PPP4R4: variants seen among roughly 807,000 people sequenced by gnomAD.
The protein encoded by PPP4R4 is serine/threonine-protein phosphatase 4 regulatory subunit 4.
In PPP4R4, 70 loss-of-function variants were observed where a neutral mutation model predicts 121.8. The observed-to-expected ratio is 0.57, with a 90% confidence interval of 0.47 to 0.70. The LOEUF is 0.70. Among genes scored for constraint, PPP4R4 ranks in the 30% least tolerant of loss-of-function variants. The probability of loss-of-function intolerance (pLI) is 0.00; values close to 1 mark genes in which losing one functional copy is unlikely to be tolerated. For missense variants in PPP4R4, 875 were observed against 1,033.6 expected, an observed-to-expected ratio of 0.85 and a Z score of 2.10; for synonymous variants, 348 against 355.7, an observed-to-expected ratio of 0.98 and a Z score of 0.24.
intron 2 of PPP4R4, among the ~76,000 whole-genome samples, chr14:94,197,818 TA>T (rs1177862646): frequency 6.6e-6 from 1 of 152,244 alleles, no homozygotes; most frequent in Admixed American, 6.5e-5. Context: ...ACAGTAGTAT[TA>T]TTTTTTTTGT....
At chr14:94,262,691 A>AT (rs1441424280) in intron 19 of PPP4R4, among the ~76,000 whole-genome samples, 1 of 152,026 alleles carries the variant, frequency 6.6e-6, no homozygotes, top group Non-Finnish European at 1.5e-5. Context: ...ATTTACTCAG[A>AT]TCTTTACCAT....
At chr14:94,266,395 T>C (rs1894055293) in intron 22 of PPP4R4, among the ~76,000 whole-genome samples, 1 of 152,104 alleles carries the variant, frequency 6.6e-6, no homozygotes, top group African/African-American at 2.4e-5. Flanking sequence ...TAGGATAGAA[T>C]CAATATAAGT....
intron 23 of PPP4R4, 26 bp from the exon 24 acceptor site, chr14:94,275,348 T>A (rs1213047701): frequency 3.7e-6 from 6 of 1,611,962 alleles, no homozygotes; most frequent in Non-Finnish European, 5.1e-6. Context: ...ATTTGGTATG[T>A]CTGACTTTAT....
chr14:94,230,975 T>G (rs1892002264), intron 4 of PPP4R4, among the ~76,000 whole-genome samples: 1 of 152,206 alleles, frequency 6.6e-6, no homozygotes, highest in Non-Finnish European at 1.5e-5. Context: ...TTGTTACTTT[T>G]TTTCCTTTTC....
In PPP4R4 at chr14:94,244,628, A is replaced by G. The variant is rs566697453; in HGVS notation, c.1267-7A>G. ...CAAATCTGAGAGACTTTATTGCTAT[A>G]TTTTAGGTATCTAAGCTTCTGAATT... On this transcript the variant is annotated splice_polypyrimidine_tract_variant and splice_region_variant and intron_variant, in intron 11 of 24. Coordinates refer to ENST00000304338, the MANE Select transcript of PPP4R4 (RefSeq NM_058237.2). The G allele has an allele frequency of 3.1e-5, 46 of 1,486,662 alleles. No individual in the cohort carries two copies. The South Asian group carries it at 5.5e-4, about 18-fold the overall frequency. The allele number at this position is 1,486,662 out of a possible 1,614,324, so 92.1% of individuals were successfully genotyped here.
chr14:94,191,687 T>G (rs926345365), intron 2 of PPP4R4, among the ~76,000 whole-genome samples: 1 of 152,092 alleles, frequency 6.6e-6, no homozygotes, highest in Non-Finnish European at 1.5e-5. Flanking sequence ...TAAAGAGGAG[T>G]TTATCTCTTC....
chr14:94,254,992 C>T (rs773074854), intron 16 of PPP4R4, among the ~76,000 whole-genome samples: 17 of 152,118 alleles, frequency 1.1e-4, no homozygotes, highest in Non-Finnish European at 2.2e-4. Context: ...GTGATCTCTC[C>T]CATTTCATGG....
At chr14:94,242,210 G>A (rs575802478) in intron 10 of PPP4R4, 79 bp from the exon 11 acceptor site, 13 of 1,469,624 alleles carry the variant, frequency 8.8e-6, no homozygotes, top group Middle Eastern at 1.8e-4. Flanking sequence ...TTCAATTTAA[G>A]TGAAACGATT....
In PPP4R4 at chr14:94,251,927, A is replaced by G. The variant is rs370879988; in HGVS notation, c.1865+31A>G. 3.3e-6 allele frequency: 5 copies of G among 1,531,348 alleles called. No individual in the cohort carries two copies. In the African/African-American group the frequency reaches 4.2e-5, roughly 13 times the overall value. 94.9% of individuals were successfully genotyped at this position (1,531,348 alleles called of 1,614,324 possible). ...TTATCAATGAAGGAAAATATTGGAAATTGTATTTATTTTTATCTACTATAG... is the reference window on the plus strand; with the variant it reads ...TTATCAATGAAGGAAAATATTGGAAGTTGTATTTATTTTTATCTACTATAG... On this transcript the variant is annotated intron_variant, in intron 16 of 24. Transcript: ENST00000304338.
At chr14:94,268,204 A>T (rs1894142339) in intron 23 of PPP4R4, among the ~76,000 whole-genome samples, 1 of 152,216 alleles carries the variant, frequency 6.6e-6, no homozygotes, top group African/African-American at 2.4e-5. Flanking sequence ...TTTAGTGTAC[A>T]AAACCAGTTT....
chr14:94,217,937 T>A (rs1891118029), intron 3 of PPP4R4, among the ~76,000 whole-genome samples: 1 of 152,108 alleles, frequency 6.6e-6, no homozygotes, highest in Non-Finnish European at 1.5e-5. Context: ...GAGGTTGCGG[T>A]GAGCCGAGAT....
At chr14:94,221,827 T>C (rs1273089910) in intron 3 of PPP4R4, among the ~76,000 whole-genome samples, 1 of 152,056 alleles carries the variant, frequency 6.6e-6, no homozygotes, top group Non-Finnish European at 1.5e-5. Context: ...TCTACTATAT[T>C]ACTCAGCTAT....
At chr14:94,249,329 G>T (rs1893060534) in intron 14 of PPP4R4, among the ~76,000 whole-genome samples, 1 of 151,770 alleles carries the variant, frequency 6.6e-6, no homozygotes, top group Non-Finnish European at 1.5e-5. Context: ...CACTCAAATT[G>T]TACCCGATAG....
At chr14:94,241,987 G>T (rs376290327) in intron 10 of PPP4R4, 30 bp downstream of exon 10, 55 of 1,538,122 alleles carry the variant, frequency 3.6e-5, no homozygotes, top group Non-Finnish European at 4.4e-5. Flanking sequence ...ATTTACTGAG[G>T]ATTTTTATTA....
chr14:94,216,752 A>G (rs1891043455), intron 3 of PPP4R4, among the ~76,000 whole-genome samples: 1 of 152,176 alleles, frequency 6.6e-6, no homozygotes, highest in South Asian at 2.1e-4. Flanking sequence ...GTGAAGTGCC[A>G]TTGCTTTGAT....
Position 94,256,539 on chromosome 14 carries a change from G to A in PPP4R4, c.1945G>A (p.Glu649Lys), listed in dbSNP as rs752235817. ...PADKHLLQQL[E>K]MCVRKLLCQE... ...TGATAAGCATCTACTTCAGCAGTTA[G>A]AAATGTGTGTGAGGAAACTCCTGTG... Residue 649 changes from glutamate to lysine, a missense_variant, in exon 17 of 25, where the codon GAA (glutamate) becomes AAA (lysine). By Grantham distance (56) the Glu-to-Lys change is moderately conservative. Transcript: ENST00000304338. The A allele has an allele frequency of 1.2e-6, 2 of 1,603,930 alleles. No homozygotes were observed. The highest frequency in any genetic ancestry group is 2.2e-5 in the South Asian group (2 of 90,608).
chr14:94,237,870 A>C (rs890212466), intron 8 of PPP4R4, among the ~76,000 whole-genome samples, 184 bp downstream of exon 8: 2 of 152,124 alleles, frequency 1.3e-5, no homozygotes, highest in African/African-American at 4.8e-5. Context: ...ATGGTGTCGT[A>C]GTCCATTTTG....
In PPP4R4 at chr14:94,176,036, G is replaced by A. The variant is rs757796247; in HGVS notation, c.118-18G>A. The A allele has an allele frequency of 5.6e-6, 9 of 1,599,624 alleles. No individual in the cohort carries two copies. The South Asian group carries it at 9.9e-5, about 18-fold the overall frequency. ...ACCAATATTTGTGGTGCATAAATGT[G>A]TATTTTACCCTTGACAGACACCGGA... On this transcript the variant is annotated intron_variant, in intron 1 of 24. Coordinates refer to ENST00000304338, the MANE Select transcript of PPP4R4 (RefSeq NM_058237.2).
rs889706048 is a variant in PPP4R4, at chr14:94,279,181, G to C, written c.*538G>C. The C allele has an allele frequency of 5.2e-5, 8 of 152,570 alleles. No homozygotes were observed. The highest frequency in any genetic ancestry group is 1.7e-4 in the African/African-American group (7 of 41,418). The allele number at this position is 152,570 out of a possible 1,614,324, so 9.5% of individuals were successfully genotyped here. A position where few individuals can be genotyped will look rare whatever the true frequency, so the allele number is the denominator to read the frequency against. ...CGTCTGCGATTTTGGCGGCCCTCCG[G>C]ATTGTGGTGACAATATGTTGTACCC... On this transcript the variant is annotated 3_prime_UTR_variant, in exon 25 of 25. Coordinates refer to ENST00000304338, the MANE Select transcript of PPP4R4 (RefSeq NM_058237.2).
Sources: allele counts gnomAD v4.1 joint callset (sites outside exome capture counted in the v4.1 genomes callset), GRCh38; gene constraint gnomAD v4.1.1; transcripts MANE v1.5; gene names NCBI Gene and HGNC (gene_info 2026-07-23, HGNC 2026-07-21).